Variants in ANKRD26 observed in about 807,000 individuals in gnomAD.
ANKRD26 encodes the protein ankyrin repeat domain-containing protein 26.
Under a neutral mutation model 208.7 loss-of-function variants are expected in ANKRD26, and 141 were observed. That is an observed-to-expected ratio of 0.68 (90% CI 0.59 to 0.78). The LOEUF (loss-of-function observed/expected upper bound fraction) is 0.78. Ranked by LOEUF, ANKRD26 falls within the 30% of genes least tolerant of loss-of-function variation. The pLI, the probability that ANKRD26 is intolerant of heterozygous loss-of-function variation, is 0.00. For synonymous variants in ANKRD26, 636 were observed against 660.4 expected, an observed-to-expected ratio of 0.96 and a Z score of 0.57; for missense variants, 1,889 against 1,938.7, an observed-to-expected ratio of 0.97 and a Z score of 0.48.
intron 32 of ANKRD26, 83 bp from the exon 33 acceptor site, chr10:27,007,045 T>C: frequency 2.1e-6 from 2 of 973,752 alleles, no homozygotes; most frequent in Admixed American, 1.7e-5. Context: ...TTACAAAATG[T>C]GGCCTGTAAT....
Position 27,037,945 on chromosome 10 carries a change from C to T in ANKRD26, c.2485G>A (p.Val829Met), listed in dbSNP as rs750045401. 6.2e-7 allele frequency: 1 copy of T among 1,613,352 alleles called. No homozygotes were observed. Among genetic ancestry groups the T allele is most frequent in the South Asian group, 1.1e-5 (1 of 90,970 alleles). The change falls in exon 22 of 34, where the codon GTG becomes ATG. Residue 829 changes from valine to methionine, a missense_variant. Physicochemically the swap from Val to Met is conservative, Grantham distance 21 (BLOSUM62 1). Transcript: ENST00000376087. Reference protein sequence around the residue: ...KEEQYRKEVEVKQQLELSLQT... With the variant: ...KEEQYRKEVEMKQQLELSLQT... ...AGACTCAGTTCAAGCTGTTGTTTCA[C>T]TTCAACTTCTTTCCTATATTGCTCT...
chr10:27,034,727 CATAACTAT>C (rs1202875395), intron 24 of ANKRD26, 61 bp downstream of exon 24: 8 of 989,186 alleles, frequency 8.1e-6, no homozygotes, highest in Non-Finnish European at 1.2e-5. Flanking sequence ...TAGTTAACTA[CATAACTAT>C]ATATTATTTT....
At chr10:27,021,734 C>A (rs1477839864) in intron 29 of ANKRD26, among the ~76,000 whole-genome samples, 1 of 152,090 alleles carries the variant, frequency 6.6e-6, no homozygotes, top group African/African-American at 2.4e-5. Context: ...TTAATAATAG[C>A]CATTCTGGCT....
Position 27,034,807 on chromosome 10 carries a change from C to T in ANKRD26, c.3643G>A (p.Ala1215Thr), listed in dbSNP as rs751998120. Residue 1215 changes from alanine to threonine, a missense_variant, in exon 24 of 34, where the codon GCA becomes ACA. Coordinates refer to ENST00000376087, the MANE Select transcript of ANKRD26 (RefSeq NM_014915.3). ...ERQYQYENEK[A>T]EREVVVRQLQ... ...TTCTTGATACTTACTTCTCTTTCTG[C>T]CTTTTCATTTTCATATTGATACTGT... is the stretch of plus-strand genomic sequence containing the variant. The T allele has an allele frequency of 5.6e-6, 9 of 1,602,678 alleles. No individual in the cohort carries two copies. Among genetic ancestry groups the T allele is most frequent in the Admixed American group, 3.4e-5 (2 of 59,370 alleles).
chr10:27,023,563 T>C (rs2053561696), intron 28 of ANKRD26, among the ~76,000 whole-genome samples: 1 of 152,022 alleles, frequency 6.6e-6, no homozygotes, highest in Admixed American at 6.6e-5. Context: ...GGCAGAGTTT[T>C]AGAAGAAAGG....
At chr10:26,984,820 G>A (rs1326728121) in intron 3 of ANKRD26, among the ~76,000 whole-genome samples, 2 of 152,146 alleles carry the variant, frequency 1.3e-5, no homozygotes, top group Admixed American at 1.3e-4. Flanking sequence ...CAGGACAGGT[G>A]AAAAGCCCCT....
chr10:26,958,836 T>C, the ANKRD26 span, among the ~76,000 whole-genome samples: 1 of 152,226 alleles, frequency 6.6e-6, no homozygotes, highest in Non-Finnish European at 1.5e-5. Context: ...AGTAATGGGA[T>C]TGCTGGATCA....
the ANKRD26 span, among the ~76,000 whole-genome samples, chr10:26,967,827 T>G: frequency 6.6e-6 from 1 of 152,210 alleles, no homozygotes; most frequent in Non-Finnish European, 1.5e-5. Context: ...TACCATGTAC[T>G]GTCCATTGGG....
the ANKRD26 span, among the ~76,000 whole-genome samples, chr10:26,950,448 G>A: frequency 2.4e-5 from 3 of 126,880 alleles, no homozygotes; most frequent in Non-Finnish European, 5.3e-5. Flanking sequence ...ATATACTCAT[G>A]TTGAGGTGTA....
chr10:26,951,862 C>G, the ANKRD26 span, among the ~76,000 whole-genome samples: 1 of 152,254 alleles, frequency 6.6e-6, no homozygotes, highest in Non-Finnish European at 1.5e-5. Flanking sequence ...CTGCCCCTCT[C>G]AGGATAAGCT....
chr10:27,066,028 A>G (rs2135487132), intron 11 of ANKRD26, among the ~76,000 whole-genome samples: 1 of 151,342 alleles, frequency 6.6e-6, no homozygotes, highest in East Asian at 2.0e-4. Context: ...ACACCCAACT[A>G]ATTTTTTGTA....
At chr10:26,972,843 G>C (rs1029027708), downstream of ANKRD26, among the ~76,000 whole-genome samples, 2 of 152,102 alleles carry the variant, frequency 1.3e-5, no homozygotes, top group Non-Finnish European at 2.9e-5. Flanking sequence ...GCCCGCCTCA[G>C]CCTCCCAAAG....
In ANKRD26 at chr10:27,080,885, C is replaced by T. The variant is rs2055882331; in HGVS notation, c.741-1724G>A. 4.1e-6 allele frequency: 4 copies of T among 985,260 alleles called. No homozygotes were observed. In the South Asian group the frequency reaches 1.9e-4, roughly 46 times the overall value. 61.0% of individuals were successfully genotyped at this position (985,260 alleles called of 1,614,324 possible). A position where few individuals can be genotyped will look rare whatever the true frequency, so the allele number is the denominator to read the frequency against. ...ATGACTGACTTGCCAGCTAATCCTACCCCTGCCCTACCCTACATGTCCATG... is the reference window on the plus strand; with the variant it reads ...ATGACTGACTTGCCAGCTAATCCTATCCCTGCCCTACCCTACATGTCCATG... On this transcript the variant is annotated intron_variant, in intron 6 of 33. Coordinates refer to ENST00000376087, the MANE Select transcript of ANKRD26 (RefSeq NM_014915.3).
At chr10:27,021,892 T>G (rs1211796850) in intron 29 of ANKRD26, among the ~76,000 whole-genome samples, 1 of 152,228 alleles carries the variant, frequency 6.6e-6, no homozygotes, top group Non-Finnish European at 1.5e-5. Flanking sequence ...TTAATGGGGT[T>G]GTTTTTTCCT....
At chr10:26,989,598 A>G (rs148369024), downstream of ANKRD26, among the ~76,000 whole-genome samples, 1,813 of 152,296 alleles carry the variant, frequency 0.012, 23 homozygotes, top group African/African-American at 0.024. Flanking sequence ...ACCTTTGACC[A>G]GGGTTGACAG....
chr10:27,025,732 C>T (rs1479859191), intron 27 of ANKRD26, among the ~76,000 whole-genome samples: 2 of 152,136 alleles, frequency 1.3e-5, no homozygotes, highest in Admixed American at 6.5e-5. Context: ...TGTCCCCTTC[C>T]ATTCCTCTTT....
At chr10:27,014,104 T>C (rs375415672) in intron 31 of ANKRD26, among the ~76,000 whole-genome samples, 52 of 152,168 alleles carry the variant, frequency 3.4e-4, no homozygotes, top group Non-Finnish European at 5.9e-4. Flanking sequence ...GTAGTGATAC[T>C]TGACCCTTCT....
downstream of ANKRD26, among the ~76,000 whole-genome samples, chr10:26,971,244 T>C (rs112217559): frequency 0.01 from 1,567 of 152,198 alleles, 8 homozygotes; most frequent in Non-Finnish European, 0.017. Context: ...TTAGCCGAGC[T>C]TGGTGGTGTG....
Position 27,010,695 on chromosome 10 carries a change from A to G in ANKRD26, c.4953+2187T>C, listed in dbSNP as rs1226097870. Among the ~76,000 whole-genome samples, 10 of 152,032 alleles carry G rather than the reference A, an allele frequency of 6.6e-5. 1 individual carries two copies. Among genetic ancestry groups the G allele is most frequent in the Admixed American group, 5.9e-4 (9 of 15,248 alleles). ...TAATTTTTTGTAGAAATGAGATCTC[A>G]CTATGCCTCACTATGTTTCCCAGCC... is the stretch of plus-strand genomic sequence containing the variant. On this transcript the variant is annotated intron_variant, in intron 32 of 33. Transcript: ENST00000376087.
Sources: allele counts gnomAD v4.1 joint callset (sites outside exome capture counted in the v4.1 genomes callset), GRCh38; gene constraint gnomAD v4.1.1; transcripts MANE v1.5; gene names NCBI Gene and HGNC (gene_info 2026-07-23, HGNC 2026-07-21).